Variants in HPSE2 observed in about 807,000 individuals in gnomAD.
The protein encoded by HPSE2 is heparanase 2 (inactive), also known as inactive heparanase-2.
A neutral mutation model predicts 60.5 loss-of-function variants in HPSE2; 38 were observed. The observed-to-expected ratio is 0.63, with a 90% CI of 0.48 to 0.82. The LOEUF is 0.82. HPSE2 is among the 40% of genes least tolerant of loss of function. The pLI, the probability that HPSE2 is intolerant of heterozygous loss-of-function variation, is 0.00. For missense variants in HPSE2, 713 were observed against 740.4 expected (o/e 0.96, Z 0.43); for synonymous variants, 295 against 293.2 (o/e 1.01, Z -0.06).
At chr10:98,780,855 C>G (rs933631082) in intron 3 of HPSE2, among the ~76,000 whole-genome samples, 2 of 152,106 alleles carry the variant, frequency 1.3e-5, no homozygotes, top group African/African-American at 4.8e-5. Context: ...GGAATGATCA[C>G]TGCACCATTT....
chr10:98,568,117 C>T (rs993428718), intron 9 of HPSE2, among the ~76,000 whole-genome samples: 1 of 152,220 alleles, frequency 6.6e-6, no homozygotes, highest in African/African-American at 2.4e-5. Flanking sequence ...AGACTTTCTA[C>T]TGTGCCCTGA....
intron 3 of HPSE2, among the ~76,000 whole-genome samples, chr10:98,944,906 C>A (rs1408796070): frequency 6.6e-6 from 1 of 152,124 alleles, no homozygotes; most frequent in Non-Finnish European, 1.5e-5. Context: ...TTACTGAGCA[C>A]TATTCATTTT....
chr10:98,753,336 G>A (rs1257901091), intron 3 of HPSE2, among the ~76,000 whole-genome samples: 1 of 148,062 alleles, frequency 6.8e-6, no homozygotes, highest in Admixed American at 6.6e-5. Flanking sequence ...GTGGAAAACA[G>A]TGGTGGTTTC....
intron 3 of HPSE2, among the ~76,000 whole-genome samples, chr10:98,952,829 C>A (rs1379667855): frequency 6.6e-6 from 1 of 152,026 alleles, no homozygotes; most frequent in Non-Finnish European, 1.5e-5. Flanking sequence ...TCTTATAAGG[C>A]CACCAATCCT....
At chr10:98,988,710 C>A (rs1471440417) in intron 3 of HPSE2, among the ~76,000 whole-genome samples, 4 of 107,454 alleles carry the variant, frequency 3.7e-5, no homozygotes, top group African/African-American at 8.4e-5. Flanking sequence ...GAACAGGCAA[C>A]CTACAAAATG....
intron 9 of HPSE2, among the ~76,000 whole-genome samples, chr10:98,542,104 C>T (rs1197655400): frequency 1.3e-5 from 2 of 152,028 alleles, no homozygotes; most frequent in African/African-American, 2.4e-5. Context: ...ACACCTCAAA[C>T]GGCCAGGTAC....
the HPSE2 span, among the ~76,000 whole-genome samples, chr10:99,255,414 G>GA: frequency 1.3e-5 from 2 of 151,912 alleles, no homozygotes; most frequent in African/African-American, 4.8e-5. Context: ...AAAGATATTA[G>GA]AAAAAAATAA....
chr10:98,490,418 G>A (rs1941604068), intron 9 of HPSE2, among the ~76,000 whole-genome samples: 1 of 152,156 alleles, frequency 6.6e-6, no homozygotes, highest in South Asian at 2.1e-4. Flanking sequence ...GTCTAAAGTG[G>A]CCTTTCAACT....
At chr10:99,286,210 C>A in the HPSE2 span, among the ~76,000 whole-genome samples, 2 of 152,132 alleles carry the variant, frequency 1.3e-5, no homozygotes, top group African/African-American at 2.4e-5. Context: ...TATGACCCAA[C>A]AATTCCACTT....
intron 3 of HPSE2, among the ~76,000 whole-genome samples, chr10:98,985,709 G>A (rs907915064): frequency 7.9e-5 from 12 of 152,132 alleles, no homozygotes; most frequent in African/African-American, 2.7e-4. Context: ...ATTGGATAAA[G>A]AGTAAACACC....
At chr10:99,010,968 A>G (rs1351163954) in intron 3 of HPSE2, among the ~76,000 whole-genome samples, 1 of 151,468 alleles carries the variant, frequency 6.6e-6, no homozygotes, top group Non-Finnish European at 1.5e-5. Flanking sequence ...TATTAAACCT[A>G]GTACCCATCA....
intron 3 of HPSE2, among the ~76,000 whole-genome samples, chr10:98,929,277 T>C (rs1222222270): frequency 7.0e-6 from 1 of 143,640 alleles, no homozygotes; most frequent in East Asian, 2.0e-4. Flanking sequence ...GCAGATCCTA[T>C]AATCTTCCAT....
At chr10:99,091,429 A>G (rs1028786030) in intron 3 of HPSE2, among the ~76,000 whole-genome samples, 4 of 152,048 alleles carry the variant, frequency 2.6e-5, no homozygotes, top group Admixed American at 2.6e-4. Flanking sequence ...AGGTCTCTAG[A>G]CTCTATGTCC....
intron 3 of HPSE2, among the ~76,000 whole-genome samples, chr10:99,073,799 T>A (rs1161002681): frequency 1.3e-5 from 2 of 152,220 alleles, no homozygotes; most frequent in African/African-American, 2.4e-5. Context: ...TATTTTATTC[T>A]TTTTGATGCT....
rs368401970 is a variant in HPSE2, at chr10:98,941,129, C to T, written c.611-197073G>A. Among the ~76,000 whole-genome samples, 41 of 142,304 alleles carry T rather than the reference C, an allele frequency of 2.9e-4. 2 individuals carry two copies. In the East Asian group the frequency reaches 8.0e-3, roughly 28 times the overall value. 93.4% of individuals were successfully genotyped at this position (142,304 alleles called of 152,430 possible). A position where few individuals can be genotyped will look rare whatever the true frequency, so the allele number is the denominator to read the frequency against. ...TGACGAACCCACAGCCAGTATCATC[C>T]TGAATGGGCAAAAACTGGAAGCAAT... On this transcript the variant is annotated intron_variant, in intron 3 of 11. Coordinates refer to ENST00000370552, the MANE Select transcript of HPSE2 (RefSeq NM_021828.5).
intron 9 of HPSE2, among the ~76,000 whole-genome samples, chr10:98,574,975 G>C (rs1017147298): frequency 6.6e-6 from 1 of 152,074 alleles, no homozygotes; most frequent in African/African-American, 2.4e-5. Context: ...GGGAAAGGGG[G>C]ACATTTTGTC....
upstream of HPSE2, among the ~76,000 whole-genome samples, chr10:99,237,313 A>G (rs151015017): frequency 2.6e-3 from 397 of 152,306 alleles, no homozygotes; most frequent in Non-Finnish European, 4.4e-3. Context: ...GCAAAACCCT[A>G]AAATGCAGAG....
intron 3 of HPSE2, among the ~76,000 whole-genome samples, chr10:99,024,802 A>T (rs1170359381): frequency 6.6e-6 from 1 of 152,178 alleles, no homozygotes; most frequent in East Asian, 1.9e-4. Flanking sequence ...CCCTAGAATA[A>T]ATATTATGTC....
intron 3 of HPSE2, among the ~76,000 whole-genome samples, chr10:99,098,557 C>A (rs1340940915): frequency 6.6e-6 from 1 of 152,100 alleles, no homozygotes; most frequent in Non-Finnish European, 1.5e-5. Flanking sequence ...TTCTTATGTG[C>A]CACTTTTATT....
Sources: gnomAD v4.1 joint callset for allele counts (sites outside exome capture counted in the v4.1 genomes callset) on GRCh38, gnomAD v4.1.1 for gene constraint, MANE v1.5 for transcripts, NCBI Gene and HGNC (gene_info 2026-07-23, HGNC 2026-07-21) for gene names.